The following IPO11 variants were observed in gnomAD, a reference collection of about 807,000 sequenced individuals.
IPO11 encodes importin 11, also known as importin-11.
IPO11 carries 66 observed loss-of-function variants against 143.2 expected under a neutral mutation model. The observed-to-expected ratio is 0.46, with a 90% CI of 0.38 to 0.57. The LOEUF (loss-of-function observed/expected upper bound fraction) is 0.57, where lower values mean the gene tolerates loss of function less well. Among genes scored for constraint, IPO11 ranks in the 20% least tolerant of loss-of-function variants. The pLI, the probability that IPO11 is intolerant of heterozygous loss-of-function variation, is 0.00. For synonymous variants in IPO11, 385 were observed against 377.8 expected, an observed-to-expected ratio of 1.02 and a Z score of -0.22; for missense variants, 1,026 against 1,141.0, an observed-to-expected ratio of 0.90 and a Z score of 1.45.
intron 29 of IPO11, among the ~76,000 whole-genome samples, chr5:62,616,486 C>A (rs950612295): frequency 1.3e-5 from 2 of 152,024 alleles, no homozygotes; most frequent in African/African-American, 4.8e-5. Context: ...GTAATCCCAG[C>A]ACTTTGGGAG....
chr5:62,513,632 C>T (rs551886153), intron 19 of IPO11, among the ~76,000 whole-genome samples: 5,050 of 143,798 alleles, frequency 0.035, 143 homozygotes, highest in Non-Finnish European at 0.053. Flanking sequence ...CCAGTAGGGG[C>T]GGCCGGGCAG....
chr5:62,424,263 C>A (rs1743627724), intron 1 of IPO11, among the ~76,000 whole-genome samples: 1 of 151,948 alleles, frequency 6.6e-6, no homozygotes, highest in Non-Finnish European at 1.5e-5. Context: ...CCTCAGCCTC[C>A]CGAGTAGCTG....
chr5:62,529,503 GA>G (rs1742474544), intron 21 of IPO11, among the ~76,000 whole-genome samples: 1 of 151,806 alleles, frequency 6.6e-6, no homozygotes, highest in Non-Finnish European at 1.5e-5. Context: ...TTCTATTAAT[GA>G]TTTGGATCTA....
intron 27 of IPO11, among the ~76,000 whole-genome samples, chr5:62,589,995 C>G (rs1023468464): frequency 6.6e-6 from 1 of 152,142 alleles, no homozygotes; most frequent in African/African-American, 2.4e-5. Context: ...ACAGTAAGGT[C>G]GAAGTCGTCT....
At chr5:62,466,304 T>A (rs1170275258) in intron 5 of IPO11, among the ~76,000 whole-genome samples, 1 of 152,202 alleles carries the variant, frequency 6.6e-6, no homozygotes, top group African/African-American at 2.4e-5. Context: ...AATGGAAATT[T>A]GATTTTTTCA....
At chr5:62,460,608 A>G (rs1745321599) in intron 5 of IPO11, among the ~76,000 whole-genome samples, 1 of 152,222 alleles carries the variant, frequency 6.6e-6, no homozygotes, top group African/African-American at 2.4e-5. Context: ...TTAGTGTGTA[A>G]TGGTTAGCTT....
chr5:62,566,168 G>C (rs1015357178), intron 27 of IPO11, among the ~76,000 whole-genome samples: 1 of 152,048 alleles, frequency 6.6e-6, no homozygotes, highest in Non-Finnish European at 1.5e-5. Flanking sequence ...TGGGTCAAGT[G>C]GTATTTCTGG....
At chr5:62,530,279 A>G (rs1742500898) in intron 21 of IPO11, among the ~76,000 whole-genome samples, 1 of 152,212 alleles carries the variant, frequency 6.6e-6, no homozygotes, top group Non-Finnish European at 1.5e-5. Context: ...GCTACCACAT[A>G]TACCAAAATT....
chr5:62,565,472 T>G (rs2112373623), intron 27 of IPO11, among the ~76,000 whole-genome samples: 1 of 152,120 alleles, frequency 6.6e-6, no homozygotes, highest in African/African-American at 2.4e-5. Context: ...GGCAACAGAG[T>G]GAGACTCTGT....
intron 27 of IPO11, among the ~76,000 whole-genome samples, chr5:62,572,545 GTTTATTTA>G (rs57028103): frequency 0.037 from 3,154 of 86,044 alleles, 106 homozygotes; most frequent in African/African-American, 0.11. Context: ...ATATTTGTTT[GTTTATTTA>G]TTTATTTATT....
chr5:62,540,086 T>C (rs1330916752), intron 24 of IPO11, among the ~76,000 whole-genome samples: 1 of 152,184 alleles, frequency 6.6e-6, no homozygotes, highest in Non-Finnish European at 1.5e-5. Flanking sequence ...TCAGTAAATG[T>C]GTGCTCTGTT....
chr5:62,524,626 A>G (rs1742310179), intron 20 of IPO11, among the ~76,000 whole-genome samples: 1 of 152,162 alleles, frequency 6.6e-6, no homozygotes, highest in African/African-American at 2.4e-5. Context: ...AAACTCCTTA[A>G]TAAAGCCTTC....
At chr5:62,421,825 G>A (rs1215848025) in intron 1 of IPO11, among the ~76,000 whole-genome samples, 1 of 152,130 alleles carries the variant, frequency 6.6e-6, no homozygotes, top group African/African-American at 2.4e-5. Context: ...TGAACAAATG[G>A]GTTTTTATAA....
At chr5:62,597,802 G>A (rs980742424) in intron 28 of IPO11, among the ~76,000 whole-genome samples, 2 of 152,088 alleles carry the variant, frequency 1.3e-5, no homozygotes, top group African/African-American at 4.8e-5. Context: ...TTATATAAGT[G>A]ACTATACAAG....
At chr5:62,545,058 A>G (rs1202926324) in intron 24 of IPO11, among the ~76,000 whole-genome samples, 1 of 152,180 alleles carries the variant, frequency 6.6e-6, no homozygotes, top group Non-Finnish European at 1.5e-5. Context: ...ATCCCCATCA[A>G]GCTACCAATG....
At chr5:62,618,106 CAAAG>C (rs1479540258) in intron 29 of IPO11, among the ~76,000 whole-genome samples, 1 of 152,062 alleles carries the variant, frequency 6.6e-6, no homozygotes, top group Non-Finnish European at 1.5e-5. Context: ...TCTAGGCTAA[CAAAG>C]AAAATCCCTG....
At chr5:62,579,580 A>G in intron 27 of IPO11, 10 of 1,551,220 alleles carry the variant, frequency 6.4e-6, no homozygotes, top group Non-Finnish European at 8.7e-6. Context: ...TAACTGCCGT[A>G]ACTTAGGCCT....
chr5:62,623,341 A>G (rs1297622409), intron 29 of IPO11, among the ~76,000 whole-genome samples: 2 of 152,224 alleles, frequency 1.3e-5, no homozygotes, highest in African/African-American at 4.8e-5. Context: ...AAAATGTTCT[A>G]CATTTCTAAG....
intron 1 of IPO11, among the ~76,000 whole-genome samples, chr5:62,435,230 G>A: frequency 7.8e-6 from 1 of 128,588 alleles, no homozygotes; most frequent in Admixed American, 8.0e-5. Context: ...ATATATATCA[G>A]AGCAGCTGTA....
Sources: gnomAD v4.1 joint callset for allele counts (sites outside exome capture counted in the v4.1 genomes callset) on GRCh38, gnomAD v4.1.1 for gene constraint, MANE v1.5 for transcripts, NCBI Gene and HGNC (gene_info 2026-07-23, HGNC 2026-07-21) for gene names.